Variants in GOSR1 observed in about 807,000 individuals in gnomAD.
The protein encoded by GOSR1 is golgi SNAP receptor complex member 1.
GOSR1 carries 21 observed loss-of-function variants against 35.5 expected under a neutral mutation model. The ratio of observed to expected loss-of-function variants is 0.59; its 90% CI spans 0.42 to 0.85. GOSR1 has a LOEUF of 0.85. GOSR1 is among the 40% of genes least tolerant of loss of function. GOSR1 has a pLI of 0.00. For synonymous variants in GOSR1, 94 were observed against 106.6 expected (o/e 0.88, Z 0.73); for missense variants, 285 against 309.6 (o/e 0.92, Z 0.60).
intron 2 of GOSR1, 56 bp downstream of exon 2, chr17:30,481,313 A>G (rs1914334490): frequency 3.7e-6 from 5 of 1,341,336 alleles, no homozygotes; most frequent in Non-Finnish European, 5.2e-6. Context: ...TTAAAGCATT[A>G]AAAAATAAAC....
rs561187145 is a variant in GOSR1 at position 30,498,049 on chromosome 17, C to T, written c.509+5296C>T. 3.4e-3 allele frequency among the ~76,000 whole-genome samples: 370 copies of T among 110,334 alleles called. 1 individual carries two copies. Among genetic ancestry groups the T allele is most frequent in the African/African-American group, 0.013 (359 of 27,232 alleles). 72.4% of individuals were successfully genotyped at this position (110,334 alleles called of 152,430 possible). A position where few individuals can be genotyped will look rare whatever the true frequency, so the allele number is the denominator to read the frequency against. On this transcript the variant is annotated intron_variant, in intron 6 of 8. Coordinates refer to ENST00000451249, the MANE Select transcript of GOSR1 (RefSeq NM_001007025.2). ...TGCCAGCATGGGTGACAGAGCAATACTCCATCTCCAAAAAAAAAAAAAAAA... is the reference window on the plus strand; with the variant it reads ...TGCCAGCATGGGTGACAGAGCAATATTCCATCTCCAAAAAAAAAAAAAAAA...
At chr17:30,488,462 C>T (rs1299082744) in intron 4 of GOSR1, among the ~76,000 whole-genome samples, 2 of 151,134 alleles carry the variant, frequency 1.3e-5, no homozygotes, top group African/African-American at 4.9e-5. Context: ...CTGCGCCCAG[C>T]CTAAATATAG....
intron 8 of GOSR1, among the ~76,000 whole-genome samples, chr17:30,521,167 CTTTTTTT>C (rs71360748): frequency 1.7e-4 from 11 of 64,224 alleles, no homozygotes; most frequent in East Asian, 5.9e-4. Context: ...TTCTCTCTCT[CTTTTTTT>C]TTTTTTTTTT....
At chr17:30,488,164 CTT>C (rs1165032726) in intron 4 of GOSR1, among the ~76,000 whole-genome samples, 7 of 116,896 alleles carry the variant, frequency 6.0e-5, no homozygotes, top group Non-Finnish European at 3.5e-5. Context: ...TTTAAATATA[CTT>C]TTTTTTTTTT....
At chr17:30,488,641 C>T (rs999289119) in intron 4 of GOSR1, among the ~76,000 whole-genome samples, 1 of 149,190 alleles carries the variant, frequency 6.7e-6, no homozygotes, top group Non-Finnish European at 1.5e-5. Context: ...TCAAGTGATT[C>T]TCCTGCCTCA....
rs1472946806 is a variant in GOSR1 at position 30,527,460 on chromosome 17, T to G, written c.*5082T>G. 3 of 152,240 alleles carry G rather than the reference T, an allele frequency of 2.0e-5. No homozygotes were observed. The highest frequency in any genetic ancestry group is 4.4e-5 in the Non-Finnish European group (3 of 68,036). The allele number at this position is 152,240 out of a possible 1,614,324, so 9.4% of individuals were successfully genotyped here. A position where few individuals can be genotyped will look rare whatever the true frequency, so the allele number is the denominator to read the frequency against. ...GCTTTGCAATTAATCCAGCCAGTGATCAATTCCTCTTCTATAAAATGGTGA... is the reference window on the plus strand; with the variant it reads ...GCTTTGCAATTAATCCAGCCAGTGAGCAATTCCTCTTCTATAAAATGGTGA... On this transcript the variant is annotated 3_prime_UTR_variant, in exon 9 of 9. Transcript: ENST00000451249.
intron 6 of GOSR1, among the ~76,000 whole-genome samples, chr17:30,507,032 C>G (rs1421957661): frequency 1.3e-5 from 2 of 152,226 alleles, no homozygotes; most frequent in Non-Finnish European, 1.5e-5. Context: ...TATTACTACT[C>G]TTTGACAGTG....
At chr17:30,492,119 C>G (rs1198562843) in intron 5 of GOSR1, among the ~76,000 whole-genome samples, 2 of 151,674 alleles carry the variant, frequency 1.3e-5, no homozygotes, top group Non-Finnish European at 2.9e-5. Flanking sequence ...TAGTGGAAAA[C>G]AGAAAAATTA....
intron 6 of GOSR1, among the ~76,000 whole-genome samples, chr17:30,506,076 ACTC>A (rs1462853447): frequency 1.3e-5 from 2 of 151,568 alleles, no homozygotes; most frequent in East Asian, 3.9e-4. Flanking sequence ...TTCCCAACTC[ACTC>A]CTCCTCAGGC....
At chr17:30,511,822 C>T (rs1321166903) in intron 7 of GOSR1, among the ~76,000 whole-genome samples, 3 of 152,130 alleles carry the variant, frequency 2.0e-5, no homozygotes, top group Admixed American at 1.3e-4. Context: ...TGAGCCACTG[C>T]GCCCAGCCAC....
intron 6 of GOSR1, among the ~76,000 whole-genome samples, chr17:30,507,341 G>A (rs1967436976): frequency 6.6e-6 from 1 of 152,320 alleles, no homozygotes; most frequent in Non-Finnish European, 1.5e-5. Context: ...CAACCGTCAT[G>A]AATAACTTTG....
intron 7 of GOSR1, among the ~76,000 whole-genome samples, 172 bp downstream of exon 7, chr17:30,511,081 G>C (rs1967595697): frequency 6.6e-6 from 1 of 152,154 alleles, no homozygotes; most frequent in Admixed American, 6.5e-5. Context: ...CCTTACAAGA[G>C]ACGTTTGACA....
intron 6 of GOSR1, among the ~76,000 whole-genome samples, chr17:30,504,652 A>G (rs1406893319): frequency 6.6e-6 from 1 of 152,236 alleles, no homozygotes; most frequent in Admixed American, 6.5e-5. Context: ...CCTAAGATGT[A>G]TGTACTCATT....
At chr17:30,501,400 T>C (rs561219371) in intron 6 of GOSR1, among the ~76,000 whole-genome samples, 3 of 152,038 alleles carry the variant, frequency 2.0e-5, no homozygotes, top group Non-Finnish European at 2.9e-5. Flanking sequence ...GAAGGAACAC[T>C]GAAGGAAGTG....
At chr17:30,503,027 G>A (rs1049754547) in intron 6 of GOSR1, among the ~76,000 whole-genome samples, 8 of 152,190 alleles carry the variant, frequency 5.3e-5, no homozygotes, top group African/African-American at 1.7e-4. Flanking sequence ...AGCATGCAAA[G>A]GGATTGATTT....
intron 7 of GOSR1, among the ~76,000 whole-genome samples, chr17:30,517,329 T>TAAC (rs1967858125): frequency 6.6e-6 from 1 of 152,236 alleles, no homozygotes; most frequent in Non-Finnish European, 1.5e-5. Context: ...ACCTCTGAAG[T>TAAC]AACTTGTGTT....
At chr17:30,516,081 A>G (rs1293803990) in intron 7 of GOSR1, among the ~76,000 whole-genome samples, 2 of 152,170 alleles carry the variant, frequency 1.3e-5, no homozygotes, top group East Asian at 3.8e-4. Context: ...GAATTTTTCT[A>G]ATGTTTTCAT....
At chr17:30,517,484 C>A (rs1967864678) in intron 7 of GOSR1, among the ~76,000 whole-genome samples, 1 of 152,256 alleles carries the variant, frequency 6.6e-6, no homozygotes, top group East Asian at 1.9e-4. Flanking sequence ...GTTATAAACA[C>A]CCCTTCGTGT....
intron 1 of GOSR1, 110 bp downstream of exon 1, chr17:30,477,574 A>C (rs1914021933): frequency 1.4e-6 from 2 of 1,426,128 alleles, no homozygotes; most frequent in South Asian, 2.8e-5. Flanking sequence ...GGAGCGGCCG[A>C]GCTGAGCAGC....
Sources: allele counts gnomAD v4.1 joint callset (sites outside exome capture counted in the v4.1 genomes callset), GRCh38; gene constraint gnomAD v4.1.1; transcripts MANE v1.5; gene names NCBI Gene and HGNC (gene_info 2026-07-23, HGNC 2026-07-21).